The following GLIS3 variants were observed in gnomAD, a reference collection of about 807,000 sequenced individuals.
The protein encoded by GLIS3 is zinc finger protein GLIS3.
Under a neutral mutation model 78.6 loss-of-function variants are expected in GLIS3, and 53 were observed. That is an observed-to-expected ratio of 0.67 (90% confidence interval 0.54 to 0.85). The LOEUF is 0.85. Among genes scored for constraint, GLIS3 ranks in the 40% least tolerant of loss-of-function variants. GLIS3 has a pLI of 0.00. For synonymous variants in GLIS3, 684 were observed against 509.9 expected (o/e 1.34, Z -4.60); for missense variants, 1,703 against 1,231.1 (o/e 1.38, Z -5.74).
chr9:4,332,195 A>G (rs907361668), intron 2 of GLIS3, among the ~76,000 whole-genome samples: 3 of 152,184 alleles, frequency 2.0e-5, no homozygotes, highest in Admixed American at 6.5e-5. Context: ...AGAAGAAAAT[A>G]CCCCAATCCA....
At chr9:3,880,707 A>G (rs1035647478) in intron 7 of GLIS3, among the ~76,000 whole-genome samples, 1 of 152,134 alleles carries the variant, frequency 6.6e-6, no homozygotes, top group Admixed American at 6.5e-5. Flanking sequence ...CTTTTCCCCA[A>G]CCTCTCCAGG....
chr9:4,010,619 C>T (rs541197896), intron 4 of GLIS3, among the ~76,000 whole-genome samples: 5 of 152,242 alleles, frequency 3.3e-5, no homozygotes, highest in African/African-American at 9.6e-5. Flanking sequence ...CAGACTTTCC[C>T]GTGAAAATCG....
chr9:3,874,348 C>G (rs368301549), intron 8 of GLIS3, among the ~76,000 whole-genome samples: 1 of 152,190 alleles, frequency 6.6e-6, no homozygotes, highest in African/African-American at 2.4e-5. Flanking sequence ...GGCGGTAGGC[C>G]TGGAGAGGGC....
intron 4 of GLIS3, among the ~76,000 whole-genome samples, chr9:4,072,656 C>G (rs140693476): frequency 6.6e-6 from 1 of 151,928 alleles, no homozygotes; most frequent in East Asian, 1.9e-4. Context: ...AAAAGTTTAG[C>G]CAAGCATGAA....
intron 2 of GLIS3, among the ~76,000 whole-genome samples, chr9:4,135,099 G>C (rs936688641): frequency 6.6e-6 from 1 of 152,096 alleles, no homozygotes; most frequent in Admixed American, 6.6e-5. Flanking sequence ...AATTATGTTA[G>C]GAATTACGGC....
intron 2 of GLIS3, chr9:4,151,065 A>C (rs1834638647): frequency 6.6e-6 from 1 of 152,214 alleles, no homozygotes; most frequent in Non-Finnish European, 1.5e-5. Flanking sequence ...AGCTGAAGGA[A>C]AAAAAGGGGT....
upstream of GLIS3, among the ~76,000 whole-genome samples, chr9:4,350,856 A>G (rs7041404): frequency 0.19 from 28,519 of 152,052 alleles, 2,823 homozygotes; most frequent in Middle Eastern, 0.31. Flanking sequence ...CTGTCTCCTC[A>G]GGACTTTCCC....
At chr9:4,122,486 A>G (rs1832263890) in intron 3 of GLIS3, among the ~76,000 whole-genome samples, 2 of 152,136 alleles carry the variant, frequency 1.3e-5, no homozygotes, top group African/African-American at 4.8e-5. Context: ...AAAGGAAACC[A>G]TCACCAAGAA....
intron 7 of GLIS3, among the ~76,000 whole-genome samples, chr9:3,894,817 G>A (rs74909566): frequency 0.018 from 2,660 of 151,840 alleles, 86 homozygotes; most frequent in African/African-American, 0.06. Context: ...TTATAACCCA[G>A]TACAATTGGA....
At chr9:4,292,454 T>A (rs982205512) in intron 1 of GLIS3, among the ~76,000 whole-genome samples, 13 of 152,108 alleles carry the variant, frequency 8.5e-5, no homozygotes, top group African/African-American at 3.1e-4. Flanking sequence ...CTTGGACTAT[T>A]TGTCTACCCA....
rs114802593 is a variant in GLIS3, at chr9:4,164,878, T to C, written c.389-38937A>G. Among the ~76,000 whole-genome samples the C allele has an allele frequency of 1.7e-3, 265 of 152,196 alleles. 1 individual carries two copies. Among genetic ancestry groups the C allele is most frequent in the African/African-American group, 5.9e-3 (246 of 41,530 alleles). On this transcript the variant is annotated intron_variant, in intron 2 of 10. Transcript: ENST00000381971. The stretch of plus-strand genomic sequence containing the variant: ...AAAAGATGCTTAATCTTGACAAAAA[T>C]AGCACTGTTTAAACCAAAGATAGCA...
In GLIS3 at chr9:4,084,918, A is replaced by G. The variant is rs143517588; in HGVS notation, c.1710+32850T>C. Among the ~76,000 whole-genome samples the G allele has an allele frequency of 2.6e-5, 4 of 151,998 alleles. No individual in the cohort carries two copies. The East Asian group carries it at 7.7e-4, about 29-fold the overall frequency. ...CTTGCATTCATATTGATGCAGGTCA[A>G]AAAGACGCAGATAAGGGTGACTCCA... On this transcript the variant is annotated intron_variant, in intron 4 of 10. Transcript: ENST00000381971.
chr9:3,938,888 T>A (rs1826042663), intron 4 of GLIS3, among the ~76,000 whole-genome samples: 1 of 152,150 alleles, frequency 6.6e-6, no homozygotes, highest in African/African-American at 2.4e-5. Flanking sequence ...ATAAAGGGGC[T>A]CAACATTAAA....
the GLIS3 span, among the ~76,000 whole-genome samples, chr9:4,466,582 T>C: frequency 6.6e-6 from 1 of 152,168 alleles, no homozygotes; most frequent in African/African-American, 2.4e-5. Context: ...TAAAGGATAA[T>C]ACATCATAAC....
intron 4 of GLIS3, among the ~76,000 whole-genome samples, chr9:3,973,553 A>G (rs1333110574): frequency 6.6e-6 from 1 of 152,184 alleles, no homozygotes; most frequent in East Asian, 1.9e-4. Context: ...CTTTGGGCGA[A>G]GTCAAGTTCT....
At chr9:4,472,907 A>G in the GLIS3 span, among the ~76,000 whole-genome samples, 174 of 152,316 alleles carry the variant, frequency 1.1e-3, no homozygotes, top group African/African-American at 4.0e-3. Context: ...ATATTTCTAG[A>G]TATCATTAAC....
chr9:3,941,294 G>C (rs1815892599), intron 4 of GLIS3, among the ~76,000 whole-genome samples: 2 of 152,036 alleles, frequency 1.3e-5, no homozygotes, highest in Non-Finnish European at 2.9e-5. Context: ...AGGGCAAAAA[G>C]GACAAAATCT....
intron 2 of GLIS3, among the ~76,000 whole-genome samples, chr9:4,153,691 T>C (rs775727190): frequency 1.3e-5 from 2 of 152,042 alleles, no homozygotes; most frequent in Non-Finnish European, 2.9e-5. Flanking sequence ...TACAAATGAG[T>C]GGATGAAAAG....
chr9:4,347,673 G>T (rs564902583), intron 1 of GLIS3, among the ~76,000 whole-genome samples: 36 of 152,140 alleles, frequency 2.4e-4, no homozygotes, highest in Non-Finnish European at 5.0e-4. Flanking sequence ...TAAAATCAGG[G>T]AAAGTAATAA....
Sources: allele counts gnomAD v4.1 joint callset (sites outside exome capture counted in the v4.1 genomes callset), GRCh38; gene constraint gnomAD v4.1.1; transcripts MANE v1.5; gene names NCBI Gene and HGNC (gene_info 2026-07-23, HGNC 2026-07-21).